RBFOX1: variants seen among roughly 807,000 people sequenced by gnomAD.
RBFOX1 encodes RNA binding fox-1 homolog 1.
In RBFOX1, 8 loss-of-function variants were observed where a neutral mutation model predicts 57.7. The observed-to-expected ratio is 0.14, with a 90% CI of 0.08 to 0.25. The LOEUF is 0.25. Among genes scored for constraint, RBFOX1 ranks in the 10% least tolerant of loss-of-function variants. The pLI, the probability that RBFOX1 is intolerant of heterozygous loss-of-function variation, is 1.00. For synonymous variants in RBFOX1, 326 were observed against 222.4 expected (o/e 1.47, Z -4.15); for missense variants, 611 against 548.5 (o/e 1.11, Z -1.14).
intron 1 of RBFOX1, among the ~76,000 whole-genome samples, chr16:6,208,387 G>C (rs1027632725): frequency 6.6e-6 from 1 of 150,582 alleles, no homozygotes; most frequent in Non-Finnish European, 1.5e-5. Flanking sequence ...GTCAGGGGTA[G>C]AAGCCGTTTA....
chr16:5,736,622 T>C (rs2052584850), intron 3 of RBFOX1, among the ~76,000 whole-genome samples: 1 of 152,120 alleles, frequency 6.6e-6, no homozygotes, highest in East Asian at 1.9e-4. Flanking sequence ...AAATTTTTCT[T>C]AATTTATTTT....
intron 4 of RBFOX1, among the ~76,000 whole-genome samples, chr16:7,511,877 G>A (rs375064743): frequency 9.6e-4 from 109 of 113,194 alleles, no homozygotes; most frequent in African/African-American, 3.6e-3. Context: ...GGGTCTTAAA[G>A]CGTGAGATCT....
chr16:7,235,437 C>G (rs767326703), intron 4 of RBFOX1, among the ~76,000 whole-genome samples: 1 of 152,124 alleles, frequency 6.6e-6, no homozygotes, highest in African/African-American at 2.4e-5. Context: ...TAGTCACAAA[C>G]CAGTTTAGAT....
chr16:7,663,094 G>A (rs1400233285), intron 12 of RBFOX1, among the ~76,000 whole-genome samples: 1 of 152,226 alleles, frequency 6.6e-6, no homozygotes, highest in Non-Finnish European at 1.5e-5. Context: ...ATGGCTAAGT[G>A]ATCAGTCCTG....
At chr16:7,240,085 G>C (rs1162315521) in intron 4 of RBFOX1, among the ~76,000 whole-genome samples, 3 of 152,106 alleles carry the variant, frequency 2.0e-5, no homozygotes, top group Non-Finnish European at 4.4e-5. Context: ...TCCTGCCTCA[G>C]ACTCTTGAGT....
chr16:6,604,317 CATG>C (rs952093521), intron 2 of RBFOX1, among the ~76,000 whole-genome samples: 1 of 152,096 alleles, frequency 6.6e-6, no homozygotes, highest in African/African-American at 2.4e-5. Context: ...TCTTGTTACA[CATG>C]ATAACAGCAT....
chr16:6,099,586 A>G (rs1253511640), intron 1 of RBFOX1, among the ~76,000 whole-genome samples: 1 of 152,154 alleles, frequency 6.6e-6, no homozygotes, highest in East Asian at 1.9e-4. Context: ...GTGTGATGAA[A>G]ATATTTTGGA....
chr16:6,436,513 T>C (rs867938381), intron 2 of RBFOX1, among the ~76,000 whole-genome samples: 3,752 of 121,792 alleles, frequency 0.031, 128 homozygotes, highest in African/African-American at 0.15. Flanking sequence ...TTTCTTCACT[T>C]TTTTTTTTTT....
intron 3 of RBFOX1, among the ~76,000 whole-genome samples, chr16:5,676,813 G>C (rs991344085): frequency 1.1e-4 from 16 of 152,114 alleles, no homozygotes; most frequent in Non-Finnish European, 2.4e-4. Context: ...AGTGATCCGA[G>C]ATTGTACCAC....
chr16:5,263,478 G>T (rs1291563004), intron 1 of RBFOX1, among the ~76,000 whole-genome samples: 1 of 152,150 alleles, frequency 6.6e-6, no homozygotes. Context: ...TTTCTTGTTA[G>T]CATGTGGAGA....
intron 2 of RBFOX1, among the ~76,000 whole-genome samples, chr16:6,480,870 T>G (rs2095361373): frequency 6.6e-6 from 1 of 152,194 alleles, no homozygotes; most frequent in African/African-American, 2.4e-5. Context: ...GTGGCTTTAT[T>G]TGATTCTTTT....
intron 2 of RBFOX1, among the ~76,000 whole-genome samples, chr16:6,381,915 C>T (rs2091855273): frequency 6.6e-6 from 1 of 152,216 alleles, no homozygotes; most frequent in African/African-American, 2.4e-5. Flanking sequence ...TCCACGAGGG[C>T]AGAGACCATG....
At chr16:6,318,842 T>C (rs896503179) in intron 2 of RBFOX1, among the ~76,000 whole-genome samples, 2 of 151,850 alleles carry the variant, frequency 1.3e-5, no homozygotes, top group African/African-American at 4.8e-5. Flanking sequence ...AAGGAAGCAA[T>C]GGCAAGATGC....
chr16:7,167,786 T>C (rs891078426), intron 4 of RBFOX1, among the ~76,000 whole-genome samples: 40 of 152,164 alleles, frequency 2.6e-4, no homozygotes, highest in African/African-American at 8.5e-4. Flanking sequence ...CTGCTTTCAC[T>C]CTGCAAGGGC....
At chr16:6,664,418 G>C (rs965204502) in intron 3 of RBFOX1, among the ~76,000 whole-genome samples, 1 of 152,142 alleles carries the variant, frequency 6.6e-6, no homozygotes, top group Non-Finnish European at 1.5e-5. Context: ...AAATGTGCGC[G>C]GTCATCTAGC....
At chr16:7,300,185 ATTTC>A (rs1478564230) in intron 4 of RBFOX1, among the ~76,000 whole-genome samples, 1 of 151,878 alleles carries the variant, frequency 6.6e-6, no homozygotes, top group East Asian at 1.9e-4. Flanking sequence ...TACTGTACTT[ATTTC>A]TTCTCTGTAT....
intron 4 of RBFOX1, among the ~76,000 whole-genome samples, chr16:7,224,484 C>G (rs2092963946): frequency 6.6e-6 from 1 of 151,956 alleles, no homozygotes; most frequent in African/African-American, 2.4e-5. Flanking sequence ...AATGATCGAG[C>G]TATAAAAATA....
At chr16:6,308,385 G>C (rs960280216) in intron 1 of RBFOX1, among the ~76,000 whole-genome samples, 1 of 152,064 alleles carries the variant, frequency 6.6e-6, no homozygotes. Flanking sequence ...GTTTTGCTTC[G>C]CCTTTGTGGC....
chr16:7,087,960 C>A (rs926071294), intron 4 of RBFOX1, among the ~76,000 whole-genome samples: 2 of 152,108 alleles, frequency 1.3e-5, no homozygotes, highest in Non-Finnish European at 2.9e-5. Flanking sequence ...ATAAAGATTG[C>A]AGCCCAGAGT....
Sources: allele counts gnomAD v4.1 joint callset (sites outside exome capture counted in the v4.1 genomes callset), GRCh38; gene constraint gnomAD v4.1.1; transcripts MANE v1.5; gene names NCBI Gene and HGNC (gene_info 2026-07-23, HGNC 2026-07-21).